The following AVL9 variants were observed in gnomAD, a reference collection of about 807,000 sequenced individuals.
The protein encoded by AVL9 is AVL9 cell migration associated, also known as late secretory pathway protein AVL9 homolog.
In AVL9, 49 loss-of-function variants were observed where a neutral mutation model predicts 79.2. That is an observed-to-expected ratio of 0.62 (90% CI 0.49 to 0.79). The LOEUF (loss-of-function observed/expected upper bound fraction) is 0.79, where lower values mean the gene tolerates loss of function less well. AVL9 is among the 30% of genes least tolerant of loss of function. The pLI is 0.00. For synonymous variants in AVL9, 299 were observed against 280.6 expected (o/e 1.07, Z -0.65); for missense variants, 682 against 776.8 (o/e 0.88, Z 1.45).
intron 1 of AVL9, among the ~76,000 whole-genome samples, chr7:32,506,441 G>A (rs1192239831): frequency 1.3e-5 from 2 of 152,148 alleles, no homozygotes; most frequent in East Asian, 1.9e-4. Flanking sequence ...CCTGTACAGC[G>A]AGGATAAGCT....
intron 1 of AVL9, among the ~76,000 whole-genome samples, chr7:32,525,574 C>A (rs537715691): frequency 6.6e-6 from 1 of 151,898 alleles, no homozygotes; most frequent in Non-Finnish European, 1.5e-5. Context: ...TAGATTTCAC[C>A]CCTAACTTTT....
intron 6 of AVL9, among the ~76,000 whole-genome samples, chr7:32,552,620 G>A (rs114877114): frequency 0.024 from 3,620 of 151,600 alleles, 136 homozygotes; most frequent in African/African-American, 0.083. Flanking sequence ...ATGGCTCACT[G>A]CAGCCTTGAC....
intron 7 of AVL9, among the ~76,000 whole-genome samples, 177 bp from the exon 8 acceptor site, chr7:32,554,381 A>G (rs1674523004): frequency 6.6e-6 from 1 of 152,206 alleles, no homozygotes; most frequent in Non-Finnish European, 1.5e-5. Flanking sequence ...AGTGATTCTC[A>G]CATTTAAGAG....
chr7:32,565,832 A>T (rs1045821880), intron 10 of AVL9, among the ~76,000 whole-genome samples: 1 of 152,004 alleles, frequency 6.6e-6, no homozygotes, highest in Admixed American at 6.6e-5. Context: ...ACATGGTGAA[A>T]CCCCATCTCT....
At chr7:32,568,304 G>A (rs957948917) in intron 10 of AVL9, among the ~76,000 whole-genome samples, 9 of 151,650 alleles carry the variant, frequency 5.9e-5, no homozygotes, top group Non-Finnish European at 1.0e-4. Flanking sequence ...GGGTTCAAGC[G>A]ATTCTCCTGC....
intron 1 of AVL9, among the ~76,000 whole-genome samples, chr7:32,528,927 G>A (rs1436886094): frequency 2.6e-5 from 4 of 152,082 alleles, no homozygotes; most frequent in South Asian, 2.1e-4. Flanking sequence ...GGAGAATGGC[G>A]TGAACCCAGG....
At chr7:32,550,456 T>C (rs1789759327) in intron 4 of AVL9, among the ~76,000 whole-genome samples, 1 of 152,200 alleles carries the variant, frequency 6.6e-6, no homozygotes, top group Non-Finnish European at 1.5e-5. Context: ...GGTTGTGGTT[T>C]TTCTGGTCTA....
At chr7:32,550,971 C>G (rs1414731921) in intron 4 of AVL9, among the ~76,000 whole-genome samples, 1 of 152,090 alleles carries the variant, frequency 6.6e-6, no homozygotes, top group Non-Finnish European at 1.5e-5. Flanking sequence ...AGTGCTTTTA[C>G]CTGTTATTTA....
intron 1 of AVL9, among the ~76,000 whole-genome samples, chr7:32,518,158 CATTGAT>C (rs1369958804): frequency 6.6e-6 from 1 of 152,060 alleles, no homozygotes; most frequent in East Asian, 1.9e-4. Context: ...ATAAAGAAGA[CATTGAT>C]ATTAGTTTAG....
chr7:32,540,518 C>T (rs113345277), intron 1 of AVL9, among the ~76,000 whole-genome samples: 3 of 152,230 alleles, frequency 2.0e-5, no homozygotes, highest in African/African-American at 7.2e-5. Flanking sequence ...TTTGGTCATG[C>T]CTGTGGGAAG....
At chr7:32,556,669 A>G (rs952902453) in intron 8 of AVL9, among the ~76,000 whole-genome samples, 1 of 152,180 alleles carries the variant, frequency 6.6e-6, no homozygotes, top group Admixed American at 6.5e-5. Flanking sequence ...ATAACATACA[A>G]TTTATCATCG....
chr7:32,500,469 G>C (rs987471619), intron 1 of AVL9, among the ~76,000 whole-genome samples: 1 of 152,038 alleles, frequency 6.6e-6, no homozygotes, highest in Admixed American at 6.6e-5. Flanking sequence ...GTTCCTTGTA[G>C]AGTCTGGATA....
chr7:32,558,512 A>T, intron 8 of AVL9, 47 bp from the exon 9 acceptor site: 1 of 1,366,072 alleles, frequency 7.3e-7, no homozygotes, highest in Middle Eastern at 2.0e-4. Context: ...ATCATTATGG[A>T]CGGCTTCATG....
intron 10 of AVL9, among the ~76,000 whole-genome samples, chr7:32,566,512 A>C (rs10282608): frequency 1 from 151,307 of 151,312 alleles, 75,651 homozygotes; most frequent in Non-Finnish European, 1. Flanking sequence ...CACTGGGGAT[A>C]GAGAATAAAA....
chr7:32,505,798 A>G (rs1265262948), intron 1 of AVL9, among the ~76,000 whole-genome samples: 2 of 152,158 alleles, frequency 1.3e-5, no homozygotes, highest in African/African-American at 4.8e-5. Context: ...TTTTCCACAT[A>G]CTGTTCTAAG....
intron 1 of AVL9, among the ~76,000 whole-genome samples, chr7:32,518,732 C>G (rs899340866): frequency 2.0e-5 from 3 of 151,922 alleles, no homozygotes; most frequent in Admixed American, 6.6e-5. Context: ...CCAAGCATGT[C>G]GTGAATGATC....
intron 1 of AVL9, among the ~76,000 whole-genome samples, chr7:32,505,451 A>G (rs1451828677): frequency 6.6e-6 from 1 of 151,748 alleles, no homozygotes; most frequent in Admixed American, 6.6e-5. Flanking sequence ...TGAAACCGGA[A>G]GGCGGAGGTT....
At chr7:32,579,884 G>A (rs1047667170) in intron 13 of AVL9, among the ~76,000 whole-genome samples, 1 of 151,510 alleles carries the variant, frequency 6.6e-6, no homozygotes, top group African/African-American at 2.4e-5. Flanking sequence ...TGGGGAGCTT[G>A]TAAAAAATGT....
intron 7 of AVL9, 148 bp downstream of exon 7, chr7:32,553,915 T>C: frequency 1.8e-6 from 1 of 546,756 alleles, no homozygotes; most frequent in Admixed American, 3.1e-5. Flanking sequence ...TAAGATGTAC[T>C]TGGCCTTATA....
Sources: gnomAD v4.1 joint callset for allele counts (sites outside exome capture counted in the v4.1 genomes callset) on GRCh38, gnomAD v4.1.1 for gene constraint, MANE v1.5 for transcripts, NCBI Gene and HGNC (gene_info 2026-07-23, HGNC 2026-07-21) for gene names.